Variants in ARHGAP22 observed in about 807,000 individuals in gnomAD.
ARHGAP22 encodes the protein rho GTPase-activating protein 22.
Under a neutral mutation model 59.1 loss-of-function variants are expected in ARHGAP22, and 48 were observed. The ratio of observed to expected loss-of-function variants is 0.81; its 90% CI spans 0.64 to 1.03. The LOEUF (loss-of-function observed/expected upper bound fraction) is 1.03. ARHGAP22 is among the 50% of genes least tolerant of loss of function. The probability of loss-of-function intolerance (pLI) is 0.00; values close to 1 mark genes in which losing one functional copy is unlikely to be tolerated. For missense variants in ARHGAP22, 1,015 were observed against 958.7 expected (o/e 1.06, Z -0.78); for synonymous variants, 445 against 416.4 (o/e 1.07, Z -0.84).
chr10:48,493,681 T>G, intron 3 of ARHGAP22: 1 of 1,392,670 alleles, frequency 7.2e-7, no homozygotes, highest in Non-Finnish European at 9.3e-7. Flanking sequence ...CATTTATCAG[T>G]GCCCGAAGGC....
intron 3 of ARHGAP22, among the ~76,000 whole-genome samples, chr10:48,518,652 C>T (rs1475340015): frequency 6.6e-6 from 1 of 152,104 alleles, no homozygotes; most frequent in African/African-American, 2.4e-5. Context: ...TCAACTGTCA[C>T]TGCCACTGGA....
chr10:48,572,518 C>T (rs537200225), intron 2 of ARHGAP22, among the ~76,000 whole-genome samples: 34 of 152,330 alleles, frequency 2.2e-4, no homozygotes, highest in African/African-American at 7.7e-4. Flanking sequence ...TGTATAGGGC[C>T]TGCCTGCAAT....
intron 4 of ARHGAP22, 94 bp downstream of exon 4, chr10:48,479,542 G>A (rs751997181): frequency 6.2e-7 from 1 of 1,600,228 alleles, no homozygotes; most frequent in Admixed American, 1.7e-5. Flanking sequence ...CAAGTCCTCA[G>A]TGAGCAGGGT....
chr10:48,472,381 G>A (rs547393291), intron 4 of ARHGAP22, among the ~76,000 whole-genome samples: 19 of 151,806 alleles, frequency 1.3e-4, no homozygotes, highest in South Asian at 4.2e-4. Flanking sequence ...AAAATTAGCC[G>A]GGTATGGTGG....
intron 1 of ARHGAP22, among the ~76,000 whole-genome samples, chr10:48,643,565 G>C (rs1406034812): frequency 6.7e-6 from 1 of 149,480 alleles, no homozygotes; most frequent in Non-Finnish European, 1.5e-5. Context: ...AGAACATTTG[G>C]ACACACGAAG....
chr10:48,567,038 C>T (rs966820300), intron 2 of ARHGAP22, among the ~76,000 whole-genome samples: 10 of 152,340 alleles, frequency 6.6e-5, no homozygotes, highest in Admixed American at 1.3e-4. Context: ...TGGCCTCTTC[C>T]AAACCCCAGG....
intron 3 of ARHGAP22, chr10:48,493,427 C>T (rs1237422714): frequency 6.5e-7 from 1 of 1,534,854 alleles, no homozygotes; most frequent in South Asian, 1.2e-5. Flanking sequence ...GTGACTCCAG[C>T]TATCCACTTA....
At chr10:48,480,419 T>C (rs1218913591) in intron 3 of ARHGAP22, among the ~76,000 whole-genome samples, 1 of 152,228 alleles carries the variant, frequency 6.6e-6, no homozygotes, top group Non-Finnish European at 1.5e-5. Flanking sequence ...AAATTGATCT[T>C]TGGGAAATAC....
At chr10:48,436,894 T>A in the ARHGAP22 span, 1 of 152,350 alleles carries the variant, frequency 6.6e-6, no homozygotes, top group South Asian at 2.1e-4. Flanking sequence ...AATATTGGAT[T>A]CACAATTTCA....
chr10:48,500,305 C>T (rs1262483626), intron 3 of ARHGAP22, among the ~76,000 whole-genome samples: 1 of 152,030 alleles, frequency 6.6e-6, no homozygotes, highest in African/African-American at 2.4e-5. Flanking sequence ...GTGATCTGAA[C>T]TCCAAACTGG....
chr10:48,595,883 C>T (rs189759083), intron 1 of ARHGAP22, among the ~76,000 whole-genome samples: 59 of 152,274 alleles, frequency 3.9e-4, no homozygotes, highest in Non-Finnish European at 7.2e-4. Flanking sequence ...CTAAGGGGAT[C>T]TAGAGAATGA....
chr10:48,530,935 G>C (rs989095373), intron 3 of ARHGAP22, among the ~76,000 whole-genome samples: 6 of 152,164 alleles, frequency 3.9e-5, no homozygotes, highest in Non-Finnish European at 8.8e-5. Context: ...CTACCCAGAG[G>C]AAAGTAAGTC....
upstream of ARHGAP22, among the ~76,000 whole-genome samples, chr10:48,609,131 G>T (rs2060785205): frequency 6.6e-6 from 1 of 152,128 alleles, no homozygotes; most frequent in African/African-American, 2.4e-5. Flanking sequence ...TACAGAGCTG[G>T]TTGTTAAGCA....
intron 2 of ARHGAP22, among the ~76,000 whole-genome samples, chr10:48,577,808 T>C (rs1314854995): frequency 4.5e-5 from 5 of 111,870 alleles, no homozygotes; most frequent in Admixed American, 9.3e-5. Flanking sequence ...TTGGTTTTTT[T>C]TTTTTTTTTT....
chr10:48,569,028 T>C (rs7911176), intron 2 of ARHGAP22, among the ~76,000 whole-genome samples: 60,319 of 152,074 alleles, frequency 0.4, 13,577 homozygotes, highest in East Asian at 0.89. Context: ...TTGGGACATG[T>C]TGATGCTGGG....
intron 3 of ARHGAP22, among the ~76,000 whole-genome samples, chr10:48,540,464 C>G (rs1240846620): frequency 6.6e-6 from 1 of 152,198 alleles, no homozygotes; most frequent in South Asian, 2.1e-4. Context: ...CTCCTGACCT[C>G]AAGTGATCCT....
Position 48,446,587 on chromosome 10 carries a change from C to T in ARHGAP22, c.1901G>A (p.Arg634Gln), listed in dbSNP as rs374843400. ...CAGTTCTTCTTCTAACCGGGACATT[C>T]GTTTTCTCAGGTCAGCACTCCCTTC... is the stretch of plus-strand genomic sequence containing the variant. ...IEEGSADLRK[R>Q]MSRLEEELDQ... Residue 634 changes from arginine to glutamine, a missense_variant, in exon 10 of 10, where the codon CGA (arginine) becomes CAA (glutamine). Arg to Gln is a conservative substitution (Grantham distance 43). Coordinates refer to ENST00000249601, the MANE Select transcript of ARHGAP22 (RefSeq NM_021226.4). 6.1e-5 allele frequency: 98 copies of T among 1,614,032 alleles called. No individual in the cohort carries two copies. The highest frequency in any genetic ancestry group is 8.0e-5 in the Non-Finnish European group (94 of 1,180,020).
upstream of ARHGAP22, chr10:48,652,672 A>AT (rs577291586): frequency 6.1e-4 from 116 of 190,512 alleles, no homozygotes; most frequent in African/African-American, 2.6e-3. Context: ...GCTATATTTG[A>AT]TTTTTTTTCC....
upstream of ARHGAP22, among the ~76,000 whole-genome samples, chr10:48,607,817 C>T (rs564005553): frequency 3.3e-5 from 5 of 152,312 alleles, no homozygotes; most frequent in African/African-American, 1.2e-4. Flanking sequence ...TGCCTTGAAT[C>T]ATTCAGTATT....
Sources: gnomAD v4.1 joint callset for allele counts (sites outside exome capture counted in the v4.1 genomes callset) on GRCh38, gnomAD v4.1.1 for gene constraint, MANE v1.5 for transcripts, NCBI Gene and HGNC (gene_info 2026-07-23, HGNC 2026-07-21) for gene names.